MYH15: variants seen among roughly 807,000 people sequenced by gnomAD.
MYH15 encodes the protein myosin-15.
Under a neutral mutation model 240.5 loss-of-function variants are expected in MYH15, and 227 were observed. The observed-to-expected ratio is 0.94, with a 90% CI of 0.85 to 1.05. The LOEUF (loss-of-function observed/expected upper bound fraction) is 1.05. Among genes scored for constraint, MYH15 ranks in the 50% least tolerant of loss-of-function variants. The pLI is 0.00. For missense variants in MYH15, 2,217 were observed against 2,247.5 expected (o/e 0.99, Z 0.27); for synonymous variants, 785 against 796.7 (o/e 0.99, Z 0.25).
upstream of MYH15, among the ~76,000 whole-genome samples, chr3:108,533,551 C>A (rs567116747): frequency 3.3e-5 from 5 of 152,092 alleles, no homozygotes; most frequent in East Asian, 9.7e-4. Flanking sequence ...TGATGATCAA[C>A]CAGGGAGAGA....
chr3:108,450,968 T>C (rs1036937849), intron 21 of MYH15, among the ~76,000 whole-genome samples: 1 of 152,036 alleles, frequency 6.6e-6, no homozygotes, highest in African/African-American at 2.4e-5. Context: ...AGATGTGGCA[T>C]GAATGTTCAA....
intron 30 of MYH15, among the ~76,000 whole-genome samples, chr3:108,413,314 C>T (rs1405171810): frequency 6.6e-6 from 1 of 152,184 alleles, no homozygotes; most frequent in Admixed American, 6.5e-5. Flanking sequence ...ACTGTGGGTA[C>T]AGAGATGGAT....
At chr3:108,394,348 C>T (rs529633072) in intron 35 of MYH15, among the ~76,000 whole-genome samples, 192 bp from the exon 36 acceptor site, 1 of 152,272 alleles carries the variant, frequency 6.6e-6, no homozygotes, top group African/African-American at 2.4e-5. Context: ...AGGGATTTCA[C>T]CCATTAGAAG....
chr3:108,387,717 T>A (rs751243062), intron 38 of MYH15, among the ~76,000 whole-genome samples: 2 of 152,180 alleles, frequency 1.3e-5, no homozygotes, highest in Non-Finnish European at 2.9e-5. Context: ...CCCAAGGTGT[T>A]TACCTACTTA....
At chr3:108,520,435 C>T (rs2083609439) in intron 1 of MYH15, among the ~76,000 whole-genome samples, 1 of 152,096 alleles carries the variant, frequency 6.6e-6, no homozygotes, top group Non-Finnish European at 1.5e-5. Context: ...AGTGCTGAGT[C>T]AAGACTTTAT....
chr3:108,386,240 G>C (rs936258), intron 38 of MYH15, among the ~76,000 whole-genome samples: 10,826 of 152,224 alleles, frequency 0.071, 1,260 homozygotes, highest in East Asian at 0.55. Context: ...GCTAGAAGTG[G>C]TTGCTGATGT....
In MYH15 at chr3:108,393,997, G is replaced by A. The variant is rs978128299; in HGVS notation, c.5259+34C>T. 5.6e-6 allele frequency: 9 copies of A among 1,612,564 alleles called. No homozygotes were observed. The African/African-American group carries it at 1.1e-4, about 19-fold the overall frequency. Reference sequence around the variant, plus strand: ...TGGCCACTGCGCCAGTGAACTCTGGGAGACAGGATTGAGTACGTGGTCAAG... The same window carrying A: ...TGGCCACTGCGCCAGTGAACTCTGGAAGACAGGATTGAGTACGTGGTCAAG... On this transcript the variant is annotated intron_variant, in intron 36 of 40. Coordinates refer to ENST00000693548, the MANE Select transcript of MYH15 (RefSeq NM_014981.3).
At chr3:108,502,952 A>C (rs185820829) in intron 2 of MYH15, among the ~76,000 whole-genome samples, 5 of 151,706 alleles carry the variant, frequency 3.3e-5, no homozygotes, top group Non-Finnish European at 5.9e-5. Context: ...CCCTAATTCT[A>C]TTTTTCTATT....
At chr3:108,466,387 T>G (rs2083117919) in intron 14 of MYH15, among the ~76,000 whole-genome samples, 1 of 152,180 alleles carries the variant, frequency 6.6e-6, no homozygotes. Context: ...GCAAAAACTA[T>G]TTATAAAAAA....
chr3:108,490,948 C>T (rs373452013), intron 9 of MYH15, among the ~76,000 whole-genome samples: 2 of 151,882 alleles, frequency 1.3e-5, no homozygotes, highest in African/African-American at 4.8e-5. Flanking sequence ...AGTGCACTGG[C>T]ACATTCTCAG....
At chr3:108,538,165 G>A in the MYH15 span, among the ~76,000 whole-genome samples, 1 of 152,132 alleles carries the variant, frequency 6.6e-6, no homozygotes. Context: ...TGTATTGTGT[G>A]GGATCATTCA....
intron 1 of MYH15, among the ~76,000 whole-genome samples, chr3:108,516,935 C>T (rs1045047046): frequency 1.3e-5 from 2 of 152,180 alleles, no homozygotes; most frequent in Non-Finnish European, 2.9e-5. Context: ...CCGCTCCCCT[C>T]CCACTGGGAT....
In MYH15 at chr3:108,521,030, G is replaced by C. The variant is rs138077446; in HGVS notation, c.-58+8233C>G. Reference sequence around the variant, plus strand: ...CTAGTCATTTTGGGAGAAAAGATTTGAGCCTAGATGTTGAGCTTCAAAATA... The same window carrying C: ...CTAGTCATTTTGGGAGAAAAGATTTCAGCCTAGATGTTGAGCTTCAAAATA... On this transcript the variant is annotated intron_variant, in intron 1 of 41. Transcript: ENST00000273353. Among the ~76,000 whole-genome samples the C allele has an allele frequency of 5.2e-3, 788 of 152,094 alleles. 25 individuals carry two copies. The highest frequency in any genetic ancestry group is 0.044 in the Admixed American group (668 of 15,250).
rs1367125059 is a variant in MYH15 at position 108,384,705 on chromosome 3, C to A, written c.5613G>T (p.Lys1871Asn). ...DKLQLKVQNY[K>N]QQVEVAETQA... The stretch of plus-strand genomic sequence containing the variant: ...CACTCACCGCCACCTCGACTTGCTG[C>A]TTGTAATTTTGCACTTTTAGCTGAA... The change falls in exon 39 of 41, where the codon AAG (lysine) becomes AAT (asparagine). Residue 1871 changes from lysine (K) to asparagine (N), a missense_variant. Transcript: ENST00000693548. 2 of 1,613,722 alleles carry A rather than the reference C, an allele frequency of 1.2e-6. No homozygotes were observed. The highest frequency in any genetic ancestry group is 3.3e-5 in the Admixed American group (2 of 60,008).
chr3:108,456,557 A>G (rs372539214), intron 19 of MYH15, among the ~76,000 whole-genome samples: 67 of 152,268 alleles, frequency 4.4e-4, no homozygotes, highest in African/African-American at 1.4e-3. Context: ...GTTAATAGAG[A>G]TTTAAGGATA....
chr3:108,499,601 A>G (rs1199897444), intron 4 of MYH15, 119 bp from the exon 5 acceptor site: 3 of 981,942 alleles, frequency 3.1e-6, no homozygotes, highest in Non-Finnish European at 4.7e-6. Flanking sequence ...AAGGATTAGC[A>G]TCATTTATAG....
chr3:108,480,170 C>G (rs559129703), intron 11 of MYH15, among the ~76,000 whole-genome samples: 133 of 150,652 alleles, frequency 8.8e-4, no homozygotes, highest in African/African-American at 3.1e-3. Context: ...GGGAAAGAGC[C>G]CTTCTGGACT....
upstream of MYH15, among the ~76,000 whole-genome samples, chr3:108,532,149 T>C (rs116423259): frequency 0.014 from 2,077 of 152,020 alleles, 63 homozygotes; most frequent in African/African-American, 0.047. Flanking sequence ...TTGTCATCTG[T>C]GACAGTTAAA....
At chr3:108,444,929 G>T in intron 21 of MYH15, 34 bp from the exon 22 acceptor site, 1 of 1,573,104 alleles carries the variant, frequency 6.4e-7, no homozygotes, top group Non-Finnish European at 8.6e-7. Context: ...AAGCAAGTTA[G>T]CCCTGACTAT....
Sources: allele counts gnomAD v4.1 joint callset (sites outside exome capture counted in the v4.1 genomes callset), GRCh38; gene constraint gnomAD v4.1.1; transcripts MANE v1.5; gene names NCBI Gene and HGNC (gene_info 2026-07-23, HGNC 2026-07-21).